The following CALCA variants were observed in gnomAD, a reference collection of about 807,000 sequenced individuals.
CALCA encodes calcitonin related polypeptide alpha.
A neutral mutation model predicts 6.9 loss-of-function variants in CALCA; 4 were observed. The observed-to-expected ratio is 0.58, with a 90% confidence interval of 0.29 to 1.33. CALCA has a LOEUF of 1.33. Ranked by LOEUF, CALCA falls within the 40% of genes most tolerant of loss-of-function variation. The pLI is 0.09. For missense variants in CALCA, 174 were observed against 178.3 expected, an observed-to-expected ratio of 0.98 and a Z score of 0.14; for synonymous variants, 78 against 70.0, an observed-to-expected ratio of 1.11 and a Z score of -0.57.
chr11:14,967,605 C>T, downstream of CALCA: 1 of 1,576,846 alleles, frequency 6.3e-7, no homozygotes, highest in South Asian at 1.1e-5. Context: ...CAGAGAGGCT[C>T]AGAGTGGTTT....
chr11:14,969,944 T>C lies in CALCA; in HGVS notation c.218A>G (p.Glu73Gly), dbSNP rs372562088. The C allele has an allele frequency of 3.7e-6, 6 of 1,612,608 alleles. No homozygotes were observed. In the African/African-American group the frequency reaches 8.0e-5, roughly 22 times the overall value. Residue 73 changes from glutamate to glycine, a missense_variant, in exon 3 of 4, where the codon GAG becomes GGG. Coordinates refer to ENST00000331587, the MANE Select transcript of CALCA (RefSeq NM_001741.3). ...ASELEQEQEREGSSLDSPRSK... is the reference protein window; with the variant it reads ...ASELEQEQERGGSSLDSPRSK... ...GCTTGGGGAGCCTCACCTGGAGCCC[T>C]CTCTCTCTTGCTCCTGCTCCAGCTC...
In CALCA at chr11:14,968,804, T is replaced by A; in HGVS notation, c.421A>T (p.Asn141Tyr). ...RPHVSMPQNA[N>Y] ...TAGGAAGGAAAGGGAGGAGTTTAGT[T>A]GGCATTCTGGGGCATGCTAACATGA... Residue 141 changes from asparagine (N) to tyrosine (Y), a missense_variant, in exon 4 of 4, where the codon AAC (asparagine) becomes TAC (tyrosine). Physicochemically the swap from Asn to Tyr is moderately radical, Grantham distance 143. Coordinates refer to ENST00000331587, the MANE Select transcript of CALCA (RefSeq NM_001741.3). 6.2e-7 allele frequency: 1 copy of A among 1,614,134 alleles called. No individual in the cohort carries two copies. The highest frequency in any genetic ancestry group is 8.5e-7 in the Non-Finnish European group (1 of 1,180,016).
At chr11:14,970,538 A>T (rs1849577134) in intron 2 of CALCA, among the ~76,000 whole-genome samples, 1 of 152,204 alleles carries the variant, frequency 6.6e-6, no homozygotes, top group Admixed American at 6.5e-5. Flanking sequence ...GATAAATAGG[A>T]TGGCTACACA....
At chr11:14,967,526 C>G, downstream of CALCA, 1 of 868,752 alleles carries the variant, frequency 1.2e-6, no homozygotes, top group East Asian at 2.7e-5. Flanking sequence ...ATTCTAGGGT[C>G]TTAGCTACTG....
At position 14,971,068 on chromosome 11, in the gene CALCA, G is replaced by A. The variant is rs781937938; in HGVS notation, c.86+39C>T. The A allele has an allele frequency of 5.2e-6, 8 of 1,546,730 alleles. No homozygotes were observed. The East Asian group carries it at 1.6e-4, about 30-fold the overall frequency. On this transcript the variant is annotated intron_variant, in intron 2 of 3. Coordinates refer to ENST00000331587, the MANE Select transcript of CALCA (RefSeq NM_001741.3). ...CACCACACTTAAGAGGCATGGAATT[G>A]TCTGATACCAGTGTGGTTCTGGCTT... is the stretch of plus-strand genomic sequence containing the variant.
intron 3 of CALCA, among the ~76,000 whole-genome samples, 189 bp downstream of exon 3, chr11:14,969,746 C>T (rs946138318): frequency 2.0e-5 from 3 of 152,186 alleles, no homozygotes; most frequent in African/African-American, 2.4e-5. Context: ...TGTCTAACCA[C>T]GGTACCTCCA....
At position 14,968,800 on chromosome 11, in the gene CALCA, T is replaced by C; in HGVS notation, c.425A>G (p.Ter142=). The C allele has an allele frequency of 6.2e-7, 1 of 1,614,176 alleles. No homozygotes were observed. Among genetic ancestry groups the C allele is most frequent in the Non-Finnish European group, 8.5e-7 (1 of 1,180,032 alleles). The change falls in exon 4 of 4, where the codon TAA becomes TGA. Residue 142 remains the stop codon, a stop_retained_variant. Transcript: ENST00000331587. ...PHVSMPQNAN[*] ...AAATTAGGAAGGAAAGGGAGGAGTTTAGTTGGCATTCTGGGGCATGCTAAC... is the reference window on the plus strand; with the variant it reads ...AAATTAGGAAGGAAAGGGAGGAGTTCAGTTGGCATTCTGGGGCATGCTAAC...
intron 3 of CALCA, 116 bp from the exon 4 acceptor site, chr11:14,969,113 G>T (rs1358589914): frequency 7.9e-6 from 7 of 883,070 alleles, no homozygotes; most frequent in Non-Finnish European, 1.1e-5. Context: ...CAGGCAGGAG[G>T]GCAGCTCACT....
chr11:14,971,443 C>A (rs1849603102), intron 1 of CALCA, among the ~76,000 whole-genome samples: 1 of 152,092 alleles, frequency 6.6e-6, no homozygotes, highest in South Asian at 2.1e-4. Context: ...AGAGGGAGAG[C>A]TGAGTGGGGG....
chr11:14,967,909 G>A (rs781991396), downstream of CALCA: 109 of 1,602,758 alleles, frequency 6.8e-5, no homozygotes, highest in Non-Finnish European at 9.1e-5. Context: ...GGCTGGGAGA[G>A]AGGTCAGCCC....
At chr11:14,970,098 G>A (rs376785768) in intron 2 of CALCA, 23 bp from the exon 3 acceptor site, 16 of 1,613,608 alleles carry the variant, frequency 9.9e-6, no homozygotes, top group African/African-American at 4.0e-5. Flanking sequence ...AGCAAACTCA[G>A]TGCAGGCTGT....
chr11:14,968,388 CCACCATATCCTCTGTCCAG>C, downstream of CALCA: 1 of 1,114,440 alleles, frequency 9.0e-7, no homozygotes, highest in African/African-American at 1.6e-5. Flanking sequence ...AAGGGACCAC[CCACCATATCCTCTGTCCAG>C]CTAGCCTAGG....
chr11:14,971,542 C>G (rs1849606221), intron 1 of CALCA, among the ~76,000 whole-genome samples: 1 of 152,108 alleles, frequency 6.6e-6, no homozygotes, highest in African/African-American at 2.4e-5. Context: ...CTCCCAGGCC[C>G]CTGTCACAGA....
chr11:14,969,897 G>C (rs782474815), intron 3 of CALCA, 38 bp downstream of exon 3: 3 of 1,612,170 alleles, frequency 1.9e-6, no homozygotes, highest in Non-Finnish European at 2.5e-6. Flanking sequence ...ATGCTGCGGG[G>C]AGAGGAGGCC....
At position 14,970,006 on chromosome 11, in the gene CALCA, A is replaced by T. The variant is rs1555026129; in HGVS notation, c.156T>A (p.Ala52=). 2.5e-6 allele frequency: 4 copies of T among 1,614,210 alleles called. No homozygotes were observed. The East Asian group carries it at 8.9e-5, about 36-fold the overall frequency. Residue 52 remains alanine (A), a synonymous_variant, in exon 3 of 4, where the codon GCT becomes GCA. Coordinates refer to ENST00000331587, the MANE Select transcript of CALCA (RefSeq NM_001741.3). ...TCTGCACATAGTCCTGCACCAGTGC[A>T]GCCAGCAGGAGGCGCGCTTCGTCCT... ...LSEDEARLLL[A]ALVQDYVQMK... is the part of the protein sequence containing the mutation.
rs782623043 is a variant in CALCA, at chr11:14,968,936, T to A, written c.289A>T (p.Thr97Ser). 3 of 1,614,106 alleles carry A rather than the reference T, an allele frequency of 1.9e-6. No individual in the cohort carries two copies. The South Asian group carries it at 3.3e-5, about 18-fold the overall frequency. Reference sequence around the variant, plus strand: ...GTGTGAAACTTGTTGAAGTCCTGCGTGTATGTGCCCAGCATGCAAGTACTC... The same window carrying A: ...GTGTGAAACTTGTTGAAGTCCTGCGAGTATGTGCCCAGCATGCAAGTACTC... ...NLSTCMLGTY[T>S]QDFNKFHTFP... is the part of the protein sequence containing the mutation. The change falls in exon 4 of 4, where the codon ACG (threonine) becomes TCG (serine). Residue 97 changes from threonine (T) to serine (S), a missense_variant. Physicochemically the swap from Thr to Ser is moderately conservative, Grantham distance 58. Transcript: ENST00000331587.
chr11:14,971,503 C>T (rs113560865), intron 1 of CALCA, among the ~76,000 whole-genome samples: 73 of 152,144 alleles, frequency 4.8e-4, no homozygotes, highest in African/African-American at 1.7e-3. Flanking sequence ...ACATATAAAC[C>T]TGTTAGCCAG....
chr11:14,971,257 A>G, intron 1 of CALCA, 56 bp from the exon 2 acceptor site: 2 of 1,101,010 alleles, frequency 1.8e-6, no homozygotes, highest in Non-Finnish European at 2.8e-6. Context: ...CTAGGAGCCC[A>G]CAGACCTTGG....
chr11:14,970,054 T>G lies in CALCA; in HGVS notation c.108A>C (p.Pro36=). The part of the protein sequence containing the change: ...APFRSALESS[P]ADPATLSEDE... ...CCTCACTGAGCGTGGCCGGGTCTGC[T>G]GGGCTGCTCTCCAGGGCAGACCTGT... The change falls in exon 3 of 4, where the codon CCA becomes CCC. Residue 36 remains proline (P), a synonymous_variant. Coordinates refer to ENST00000331587, the MANE Select transcript of CALCA (RefSeq NM_001741.3). The G allele has an allele frequency of 1.2e-6, 2 of 1,614,234 alleles. No homozygotes were observed. Among genetic ancestry groups the G allele is most frequent in the Non-Finnish European group, 1.7e-6 (2 of 1,180,040 alleles).
Sources: gnomAD v4.1 joint callset for allele counts (sites outside exome capture counted in the v4.1 genomes callset) on GRCh38, gnomAD v4.1.1 for gene constraint, MANE v1.5 for transcripts, NCBI Gene and HGNC (gene_info 2026-07-23, HGNC 2026-07-21) for gene names.